Variants in SAE1 observed in about 807,000 individuals in gnomAD.
The protein encoded by SAE1 is SUMO-activating enzyme subunit 1.
Under a neutral mutation model 40.6 loss-of-function variants are expected in SAE1, and 11 were observed. The ratio of observed to expected loss-of-function variants is 0.27; its 90% CI spans 0.17 to 0.45. SAE1 has a LOEUF of 0.45. Ranked by LOEUF, SAE1 falls within the 20% of genes least tolerant of loss-of-function variation. SAE1 has a pLI of 1.00. For missense variants in SAE1, 373 were observed against 427.3 expected (o/e 0.87, Z 1.12); for synonymous variants, 155 against 154.3 (o/e 1.00, Z -0.03).
At chr19:47,134,051 C>A (rs573930374) in intron 1 of SAE1, among the ~76,000 whole-genome samples, 1 of 151,846 alleles carries the variant, frequency 6.6e-6, no homozygotes, top group African/African-American at 2.4e-5. Context: ...TTAGTAGAGA[C>A]GGAGTTTCAC....
chr19:47,141,351 A>C (rs1431939618), intron 1 of SAE1, among the ~76,000 whole-genome samples: 2 of 152,070 alleles, frequency 1.3e-5, no homozygotes, highest in African/African-American at 4.8e-5. Flanking sequence ...CATGTTGGAC[A>C]GGCTGGTCTC....
intron 2 of SAE1, among the ~76,000 whole-genome samples, chr19:47,145,738 G>T (rs888179682): frequency 1.3e-5 from 2 of 152,038 alleles, no homozygotes; most frequent in African/African-American, 4.8e-5. Flanking sequence ...ACTTCATCTG[G>T]TTGTAAGAAT....
chr19:47,195,994 A>G lies in SAE1; in HGVS notation c.734-1239A>G, dbSNP rs1032995753. Among the ~76,000 whole-genome samples the G allele has an allele frequency of 2.7e-5, 4 of 148,188 alleles. 1 individual carries two copies. Among genetic ancestry groups the G allele is most frequent in the African/African-American group, 1.0e-4 (4 of 40,064 alleles). ...AGCGATCCTCACGCCTTGGCCCCCC[A>G]AAGTGTTGGGATTGCAGATGTGTGC... On this transcript the variant is annotated intron_variant, in intron 6 of 8. Transcript: ENST00000270225.
intron 5 of SAE1, among the ~76,000 whole-genome samples, chr19:47,169,536 C>T (rs1013287014): frequency 3.9e-5 from 6 of 152,178 alleles, no homozygotes; most frequent in Admixed American, 1.3e-4. Flanking sequence ...TGACCCACCG[C>T]GCCTGGCCCA....
intron 6 of SAE1, among the ~76,000 whole-genome samples, chr19:47,185,121 G>T (rs990570572): frequency 6.6e-6 from 1 of 151,796 alleles, no homozygotes; most frequent in East Asian, 1.9e-4. Context: ...TACCATGCCC[G>T]GCCATTATAT....
At chr19:47,163,138 G>A (rs2058369253) in intron 5 of SAE1, among the ~76,000 whole-genome samples, 2 of 151,506 alleles carry the variant, frequency 1.3e-5, no homozygotes, top group African/African-American at 4.9e-5. Context: ...ACAAAATTGG[G>A]GCACTGTTTA....
At chr19:47,196,186 T>C (rs932272306) in intron 6 of SAE1, among the ~76,000 whole-genome samples, 2 of 150,400 alleles carry the variant, frequency 1.3e-5, no homozygotes, top group African/African-American at 4.9e-5. Flanking sequence ...GCTGGGATTA[T>C]AGGTGCCTGG....
intron 6 of SAE1, among the ~76,000 whole-genome samples, chr19:47,174,049 G>T (rs1327718435): frequency 6.6e-6 from 1 of 151,998 alleles, no homozygotes; most frequent in Non-Finnish European, 1.5e-5. Context: ...CTCCCAAAGT[G>T]CTGGGATTAC....
chr19:47,155,583 C>T (rs1356517522), intron 5 of SAE1, among the ~76,000 whole-genome samples: 1 of 151,996 alleles, frequency 6.6e-6, no homozygotes, highest in Non-Finnish European at 1.5e-5. Context: ...GCCTCATCCT[C>T]CCAAGTAGCA....
chr19:47,195,315 A>G (rs2058606865), intron 6 of SAE1, among the ~76,000 whole-genome samples: 2 of 152,200 alleles, frequency 1.3e-5, no homozygotes, highest in South Asian at 4.2e-4. Flanking sequence ...TTGGCCTCCC[A>G]AAATGCTTGG....
intron 5 of SAE1, among the ~76,000 whole-genome samples, chr19:47,156,546 CAATGT>C (rs1297458200): frequency 6.6e-6 from 1 of 151,786 alleles, no homozygotes; most frequent in Non-Finnish European, 1.5e-5. Flanking sequence ...AAAAATCCTT[CAATGT>C]TGTCTTGCTG....
intron 1 of SAE1, among the ~76,000 whole-genome samples, chr19:47,139,839 G>A (rs1402209193): frequency 2.0e-5 from 3 of 148,308 alleles, no homozygotes; most frequent in Admixed American, 6.8e-5. Flanking sequence ...CTGACCTCGT[G>A]ATCTGCCCGC....
chr19:47,197,540 A>G (rs572079885), intron 7 of SAE1, among the ~76,000 whole-genome samples, 163 bp downstream of exon 7: 2 of 152,334 alleles, frequency 1.3e-5, no homozygotes, highest in Non-Finnish European at 2.9e-5. Context: ...ATAGCAATAT[A>G]TAAAAAATAA....
rs140335066 is a variant in SAE1, at chr19:47,207,864, G to A, written c.949-1295G>A. 7.2e-5 allele frequency among the ~76,000 whole-genome samples: 11 copies of A among 152,128 alleles called. 1 individual carries two copies. In the East Asian group the frequency reaches 1.9e-3, roughly 27 times the overall value. On this transcript the variant is annotated intron_variant, in intron 8 of 8. Transcript: ENST00000270225. ...TTGCCCAGGCTGGTCTCGAACTCCT[G>A]GGCTCAAGTGATTCTCCCGCCTCGG...
intron 5 of SAE1, among the ~76,000 whole-genome samples, chr19:47,161,791 A>G (rs1325505428): frequency 6.6e-6 from 1 of 152,126 alleles, no homozygotes; most frequent in Non-Finnish European, 1.5e-5. Flanking sequence ...CTTACTACTT[A>G]TGTATGTATT....
intron 5 of SAE1, among the ~76,000 whole-genome samples, chr19:47,157,818 G>C (rs1461984006): frequency 6.6e-6 from 1 of 152,144 alleles, no homozygotes; most frequent in Non-Finnish European, 1.5e-5. Flanking sequence ...TTAAGGTTAC[G>C]AGGCATTCAG....
At chr19:47,173,274 G>A (rs1166880176) in intron 6 of SAE1, among the ~76,000 whole-genome samples, 1 of 152,144 alleles carries the variant, frequency 6.6e-6, no homozygotes, top group Non-Finnish European at 1.5e-5. Flanking sequence ...TGGGATTAGA[G>A]GCGTGAGCCA....
At chr19:47,190,979 GT>G (rs1223973657) in intron 6 of SAE1, among the ~76,000 whole-genome samples, 1 of 152,208 alleles carries the variant, frequency 6.6e-6, no homozygotes, top group Non-Finnish European at 1.5e-5. Context: ...TGGACCTGCT[GT>G]TTCTTTTGGA....
chr19:47,151,089 A>G (rs2058285161), intron 3 of SAE1, among the ~76,000 whole-genome samples: 1 of 152,156 alleles, frequency 6.6e-6, no homozygotes, highest in African/African-American at 2.4e-5. Context: ...AGTTTTTTAA[A>G]TGAAAGGCCC....
Sources: allele counts gnomAD v4.1 joint callset (sites outside exome capture counted in the v4.1 genomes callset), GRCh38; gene constraint gnomAD v4.1.1; transcripts MANE v1.5; gene names NCBI Gene and HGNC (gene_info 2026-07-23, HGNC 2026-07-21).